The following GALNTL6 variants were observed in gnomAD, a reference collection of about 807,000 sequenced individuals.
GALNTL6 encodes the protein polypeptide N-acetylgalactosaminyltransferase like 6.
In GALNTL6, 46 loss-of-function variants were observed where a neutral mutation model predicts 73.7. The ratio of observed to expected loss-of-function variants is 0.62; its 90% CI spans 0.49 to 0.80. The LOEUF (loss-of-function observed/expected upper bound fraction) is 0.80. Ranked by LOEUF, GALNTL6 falls within the 30% of genes least tolerant of loss-of-function variation. GALNTL6 has a pLI of 0.00. For synonymous variants in GALNTL6, 259 were observed against 263.7 expected (o/e 0.98, Z 0.17); for missense variants, 604 against 755.0 (o/e 0.80, Z 2.34).
intron 5 of GALNTL6, among the ~76,000 whole-genome samples, chr4:172,790,094 A>G (rs78349272): frequency 0.036 from 5,410 of 152,366 alleles, 330 homozygotes; most frequent in African/African-American, 0.12. Flanking sequence ...GGTAGAATGA[A>G]GAGAGTTGAT....
chr4:172,101,110 G>A (rs535237071), intron 2 of GALNTL6, among the ~76,000 whole-genome samples: 1 of 152,024 alleles, frequency 6.6e-6, no homozygotes, highest in Non-Finnish European at 1.5e-5. Flanking sequence ...TCTCTATTGG[G>A]CTTATGAACT....
intron 5 of GALNTL6, among the ~76,000 whole-genome samples, chr4:172,680,057 A>T (rs1200402836): frequency 6.6e-6 from 1 of 152,198 alleles, no homozygotes; most frequent in Non-Finnish European, 1.5e-5. Context: ...GAGATGAAAG[A>T]ATTAAGCACT....
chr4:172,124,901 A>T (rs902498477), intron 2 of GALNTL6, among the ~76,000 whole-genome samples: 2 of 152,188 alleles, frequency 1.3e-5, no homozygotes, highest in Non-Finnish European at 2.9e-5. Flanking sequence ...CATGAAAAAA[A>T]AAATTAGACA....
At chr4:172,847,148 G>A (rs569527982) in intron 7 of GALNTL6, among the ~76,000 whole-genome samples, 8 of 152,182 alleles carry the variant, frequency 5.3e-5, no homozygotes, top group Non-Finnish European at 1.2e-4. Context: ...CTTGACCTAT[G>A]GCAAACATGA....
intron 5 of GALNTL6, among the ~76,000 whole-genome samples, chr4:172,433,724 T>C (rs1231811000): frequency 6.6e-6 from 1 of 151,986 alleles, no homozygotes; most frequent in Non-Finnish European, 1.5e-5. Context: ...CATAAGCTGA[T>C]ACATCCTTCC....
chr4:172,676,056 T>C (rs930146771), intron 5 of GALNTL6, among the ~76,000 whole-genome samples: 1 of 152,202 alleles, frequency 6.6e-6, no homozygotes, highest in Admixed American at 6.5e-5. Flanking sequence ...TATATGATAG[T>C]ATGTGACCCA....
intron 2 of GALNTL6, among the ~76,000 whole-genome samples, chr4:172,043,930 T>C (rs2110845131): frequency 6.6e-6 from 1 of 152,182 alleles, no homozygotes; most frequent in Non-Finnish European, 1.5e-5. Flanking sequence ...CTATTCTCTG[T>C]AGACATGAGA....
intron 4 of GALNTL6, among the ~76,000 whole-genome samples, chr4:172,348,253 A>G (rs547081850): frequency 2.6e-5 from 4 of 152,344 alleles, no homozygotes; most frequent in East Asian, 3.9e-4. Flanking sequence ...ATGTACATCA[A>G]CAAGAGCACA....
intron 2 of GALNTL6, among the ~76,000 whole-genome samples, chr4:172,051,487 TG>T (rs1411640094): frequency 6.6e-6 from 1 of 152,060 alleles, no homozygotes; most frequent in Admixed American, 6.6e-5. Flanking sequence ...GGAGCTGGAA[TG>T]GGGATGGGGT....
In GALNTL6 at chr4:172,903,813, A is replaced by G. The variant is rs140767468; in HGVS notation, c.1041+20906A>G. Among the ~76,000 whole-genome samples, 1,097 of 152,206 alleles carry G rather than the reference A, an allele frequency of 7.2e-3. 14 individuals carry two copies. The highest frequency in any genetic ancestry group is 0.025 in the African/African-American group (1,045 of 41,544). ...GTTGTATTACTTTATTCAATCTTTT[A>G]TTGTTATCTTGCCCACATCTATTTT... is the stretch of plus-strand genomic sequence containing the variant. On this transcript the variant is annotated intron_variant, in intron 8 of 12. Coordinates refer to ENST00000506823, the MANE Select transcript of GALNTL6 (RefSeq NM_001034845.3).
chr4:172,338,844 C>G lies in GALNTL6; in HGVS notation c.387-9679C>G, dbSNP rs201649983. 8.1e-4 allele frequency among the ~76,000 whole-genome samples: 123 copies of G among 152,264 alleles called. 2 individuals carry two copies. The South Asian group carries it at 0.016, about 20-fold the overall frequency. ...CACCAAGCACCAAGAAATGTGCCTA[C>G]GACTGGCGCTGGGAAACCTCTTGAG... On this transcript the variant is annotated intron_variant, in intron 4 of 12. Transcript: ENST00000506823.
intron 2 of GALNTL6, among the ~76,000 whole-genome samples, chr4:171,865,081 G>A (rs988657945): frequency 1.3e-5 from 2 of 151,862 alleles, no homozygotes; most frequent in Non-Finnish European, 2.9e-5. Context: ...GGGAGGCGGA[G>A]ATTGCCGTGA....
At chr4:172,201,533 G>T (rs13435477) in intron 2 of GALNTL6, among the ~76,000 whole-genome samples, 6,219 of 149,050 alleles carry the variant, frequency 0.042, 400 homozygotes, top group African/African-American at 0.14. Context: ...TTTTGTTTTT[G>T]TTTTTAATAA....
intron 5 of GALNTL6, among the ~76,000 whole-genome samples, chr4:172,529,789 G>A (rs540102418): frequency 5.3e-5 from 8 of 151,962 alleles, no homozygotes; most frequent in East Asian, 3.9e-4. Context: ...GGGCTCAAGT[G>A]ATTCTCCTGC....
Position 172,583,255 on chromosome 4 carries a change from A to G in GALNTL6, c.554-226106A>G, listed in dbSNP as rs547102599. Among the ~76,000 whole-genome samples the G allele has an allele frequency of 3.3e-5, 5 of 152,296 alleles. No homozygotes were observed. In the East Asian group the frequency reaches 9.6e-4, roughly 29 times the overall value. ...GTACCCAAGTTAAAGTGGAACCAAA[A>G]TTAAAGAACCCCAATGTATCTTATA... On this transcript the variant is annotated intron_variant, in intron 5 of 12. Transcript: ENST00000506823.
intron 5 of GALNTL6, among the ~76,000 whole-genome samples, chr4:172,559,329 G>T (rs1421223444): frequency 6.6e-6 from 1 of 151,970 alleles, no homozygotes; most frequent in African/African-American, 2.4e-5. Context: ...CTCCCAAAGT[G>T]CTGGGATTAG....
At chr4:172,560,661 G>T (rs993204521) in intron 5 of GALNTL6, among the ~76,000 whole-genome samples, 1 of 151,804 alleles carries the variant, frequency 6.6e-6, no homozygotes, top group African/African-American at 2.4e-5. Context: ...GAGATTTTTT[G>T]TTGTTGTTGT....
chr4:172,254,419 C>A (rs1738001944), intron 3 of GALNTL6, among the ~76,000 whole-genome samples: 1 of 151,662 alleles, frequency 6.6e-6, no homozygotes. Flanking sequence ...TTGTTTTCTG[C>A]ACTTGCTTTT....
chr4:172,029,775 A>T (rs1219326746), intron 2 of GALNTL6, among the ~76,000 whole-genome samples: 1 of 152,092 alleles, frequency 6.6e-6, no homozygotes, highest in African/African-American at 2.4e-5. Flanking sequence ...ATTATAAGTG[A>T]TTTACTGACT....
Sources: gnomAD v4.1 joint callset for allele counts (sites outside exome capture counted in the v4.1 genomes callset) on GRCh38, gnomAD v4.1.1 for gene constraint, MANE v1.5 for transcripts, NCBI Gene and HGNC (gene_info 2026-07-23, HGNC 2026-07-21) for gene names.